The following QTRT2 variants were observed in gnomAD, a reference collection of about 807,000 sequenced individuals.
QTRT2 encodes the protein queuine tRNA-ribosyltransferase accessory subunit 2.
Under a neutral mutation model 44.8 loss-of-function variants are expected in QTRT2, and 32 were observed. The ratio of observed to expected loss-of-function variants is 0.71; its 90% CI spans 0.54 to 0.96. The LOEUF (loss-of-function observed/expected upper bound fraction) is 0.96. Among genes scored for constraint, QTRT2 ranks in the 40% least tolerant of loss-of-function variants. QTRT2 has a pLI of 0.00. For missense variants in QTRT2, 461 were observed against 503.1 expected, an observed-to-expected ratio of 0.92 and a Z score of 0.80; for synonymous variants, 182 against 187.4, an observed-to-expected ratio of 0.97 and a Z score of 0.24.
intron 2 of QTRT2, among the ~76,000 whole-genome samples, chr3:114,060,575 A>T (rs2076872813): frequency 6.6e-6 from 1 of 152,200 alleles, no homozygotes; most frequent in Non-Finnish European, 1.5e-5. Context: ...GATTAGATAG[A>T]TCCAAACCCT....
intron 7 of QTRT2, chr3:114,079,261 G>T (rs2077132168): frequency 6.6e-6 from 1 of 152,276 alleles, no homozygotes; most frequent in African/African-American, 2.4e-5. Flanking sequence ...TATACTATGG[G>T]CTGGGCGTGG....
intron 6 of QTRT2, among the ~76,000 whole-genome samples, chr3:114,075,567 G>A (rs1242033684): frequency 6.9e-6 from 1 of 145,402 alleles, no homozygotes; most frequent in Admixed American, 7.0e-5. Context: ...GGAGTGCAGT[G>A]GCGCAATCTC....
chr3:114,079,821 T>C lies in QTRT2; in HGVS notation c.747-85T>C, dbSNP rs1385759434. 6.2e-6 allele frequency: 8 copies of C among 1,300,512 alleles called. No homozygotes were observed. In the African/African-American group the frequency reaches 1.0e-4, roughly 17 times the overall value. The allele number at this position is 1,300,512 out of a possible 1,614,324, so 80.6% of individuals were successfully genotyped here. A position where few individuals can be genotyped will look rare whatever the true frequency, so the allele number is the denominator to read the frequency against. On this transcript the variant is annotated intron_variant, in intron 7 of 9. Coordinates refer to ENST00000281273, the MANE Select transcript of QTRT2 (RefSeq NM_024638.4). ...TGGTGTTTTTCATTATTACTATTTT[T>C]TTAGTGCCTTGTTCATTAAAAGGAC... is the stretch of plus-strand genomic sequence containing the variant.
rs1297334241 is a variant in QTRT2, at chr3:114,056,792, G to T, written c.-202G>T. 4 of 1,524,642 alleles carry T rather than the reference G, an allele frequency of 2.6e-6. No individual in the cohort carries two copies. The highest frequency in any genetic ancestry group is 3.5e-6 in the Non-Finnish European group (4 of 1,140,188). 94.4% of individuals were successfully genotyped at this position (1,524,642 alleles called of 1,614,324 possible). A position where few individuals can be genotyped will look rare whatever the true frequency, so the allele number is the denominator to read the frequency against. On this transcript the variant is annotated 5_prime_UTR_variant, in exon 1 of 10. Transcript: ENST00000281273. Reference sequence around the variant, plus strand: ...CAGTGATTTTGGGGCAGAGAATTTTGCAACACGTGGTAGTGAACTGTGAGG... The same window carrying T: ...CAGTGATTTTGGGGCAGAGAATTTTTCAACACGTGGTAGTGAACTGTGAGG...
intron 6 of QTRT2, among the ~76,000 whole-genome samples, chr3:114,073,508 T>C (rs1256962102): frequency 6.6e-6 from 1 of 152,154 alleles, no homozygotes; most frequent in African/African-American, 2.4e-5. Context: ...GCTTCCTCAG[T>C]AGCTAAGACT....
chr3:114,060,535 GATAGATAGATAA>G (rs1488454867), intron 2 of QTRT2, among the ~76,000 whole-genome samples: 1 of 143,844 alleles, frequency 7.0e-6, no homozygotes, highest in Non-Finnish European at 1.5e-5. Context: ...TAGATAGATA[GATAGATAGATAA>G]GATAGATTAG....
Position 114,085,914 on chromosome 3 carries a change from A to T in QTRT2, c.*10A>T. 1 of 1,594,182 alleles carries T rather than the reference A, an allele frequency of 6.3e-7. No homozygotes were observed. Among genetic ancestry groups the T allele is most frequent in the South Asian group, 1.1e-5 (1 of 90,606 alleles). ...CAGGCAAGCATCTTGAGATCTTGCA[A>T]ATACAAGTCTCACTCTTCACACTGA... is the stretch of plus-strand genomic sequence containing the variant. On this transcript the variant is annotated 3_prime_UTR_variant, in exon 10 of 10. Coordinates refer to ENST00000281273, the MANE Select transcript of QTRT2 (RefSeq NM_024638.4).
In QTRT2 at chr3:114,086,616, A is replaced by G. The variant is rs1283129509; in HGVS notation, c.*712A>G. The G allele has an allele frequency of 1.3e-5, 2 of 153,384 alleles. No individual in the cohort carries two copies. Among genetic ancestry groups the G allele is most frequent in the Non-Finnish European group, 2.9e-5 (2 of 68,876 alleles). 9.5% of individuals were successfully genotyped at this position (153,384 alleles called of 1,614,324 possible). On this transcript the variant is annotated 3_prime_UTR_variant, in exon 10 of 10. Coordinates refer to ENST00000281273, the MANE Select transcript of QTRT2 (RefSeq NM_024638.4). ...TGCCCAGCTGCTTTCTTCTGGTTGT[A>G]CAGATCCATTGTGGTCTGCCTTCCA...
At chr3:114,082,958 T>G in intron 9 of QTRT2, 164 bp downstream of exon 9, 1 of 608,794 alleles carries the variant, frequency 1.6e-6, no homozygotes, top group East Asian at 3.1e-5. Context: ...CTTTATTTTC[T>G]TCAGATGAAT....
intron 9 of QTRT2, among the ~76,000 whole-genome samples, chr3:114,085,241 T>C (rs1390729272): frequency 4.6e-5 from 7 of 152,056 alleles, no homozygotes; most frequent in Admixed American, 3.9e-4. Context: ...GGAGTCTCGC[T>C]CTGTTGCCCA....
chr3:114,082,750 C>A lies in QTRT2; in HGVS notation c.972C>A (p.Cys324Ter). 6.6e-7 allele frequency: 1 copy of A among 1,517,908 alleles called. No homozygotes were observed. Among genetic ancestry groups the A allele is most frequent in the Non-Finnish European group, 9.0e-7 (1 of 1,110,692 alleles). 94.0% of individuals were successfully genotyped at this position (1,517,908 alleles called of 1,614,324 possible). ...DQIKKIETTG[C>*]NQEITSFEIN... ...TAAAGAAAATTGAAACAACTGGTTG[C>A]AACCAAGAAATAACATCATTTGAAA... The change falls in exon 9 of 10, where the codon TGC becomes TGA. Residue 324 changes from cysteine to a stop codon, truncating the protein, a stop_gained. Coordinates refer to ENST00000281273, the MANE Select transcript of QTRT2 (RefSeq NM_024638.4). LOFTEE classifies it high-confidence loss of function.
chr3:114,083,896 G>T (rs973030840), intron 9 of QTRT2, among the ~76,000 whole-genome samples: 16 of 151,844 alleles, frequency 1.1e-4, no homozygotes, highest in African/African-American at 3.9e-4. Flanking sequence ...TAAAATTTTA[G>T]GGTAATATAA....
At chr3:114,073,849 G>A (rs141478168) in intron 6 of QTRT2, among the ~76,000 whole-genome samples, 9 of 152,238 alleles carry the variant, frequency 5.9e-5, no homozygotes, top group Non-Finnish European at 8.8e-5. Context: ...CATGCTAGTC[G>A]TATAAGCAGG....
intron 6 of QTRT2, among the ~76,000 whole-genome samples, chr3:114,071,540 C>A (rs2077024322): frequency 6.6e-6 from 1 of 152,158 alleles, no homozygotes; most frequent in African/African-American, 2.4e-5. Flanking sequence ...CTTAGATGAT[C>A]TGCCCGCCTC....
intron 4 of QTRT2, 116 bp from the exon 5 acceptor site, chr3:114,067,871 G>A: frequency 1.3e-6 from 1 of 770,550 alleles, no homozygotes; most frequent in Non-Finnish European, 2.3e-6. Flanking sequence ...ACAACCTATT[G>A]ACAGTGTTTA....
chr3:114,060,112 TGGGAAGGGGAGATGAGA>T (rs2076862015), intron 2 of QTRT2, among the ~76,000 whole-genome samples: 3 of 151,146 alleles, frequency 2.0e-5, no homozygotes, highest in South Asian at 4.2e-4. Context: ...GAGGAAAGAG[TGGGAAGGGGAGATGAGA>T]GGGAAGGGGA....
In QTRT2 at chr3:114,087,164, C is replaced by G. The variant is rs953996560; in HGVS notation, c.*1260C>G. 2 of 152,066 alleles carry G rather than the reference C, an allele frequency of 1.3e-5. No homozygotes were observed. The highest frequency in any genetic ancestry group is 4.1e-4 in the South Asian group (2 of 4,822). The allele number at this position is 152,066 out of a possible 1,614,324, so 9.4% of individuals were successfully genotyped here. On this transcript the variant is annotated 3_prime_UTR_variant, in exon 10 of 10. Transcript: ENST00000281273. ...TTTATACAAACAGCAATAACAAAACCAAAAAGATGCCCCTTTTTTTGTAGG... is the reference window on the plus strand; with the variant it reads ...TTTATACAAACAGCAATAACAAAACGAAAAAGATGCCCCTTTTTTTGTAGG...
chr3:114,077,034 A>T, intron 7 of QTRT2, 92 bp downstream of exon 7: 1 of 1,192,648 alleles, frequency 8.4e-7, no homozygotes, highest in Non-Finnish European at 1.2e-6. Context: ...GTGCATAGGC[A>T]TGCCTTTGAT....
chr3:114,072,209 C>T (rs1371388062), intron 6 of QTRT2, among the ~76,000 whole-genome samples: 1 of 152,006 alleles, frequency 6.6e-6, no homozygotes, highest in Non-Finnish European at 1.5e-5. Flanking sequence ...GGCTAGAGTG[C>T]AGTGGGGCAG....
Sources: allele counts gnomAD v4.1 joint callset (sites outside exome capture counted in the v4.1 genomes callset), GRCh38; gene constraint gnomAD v4.1.1; transcripts MANE v1.5; gene names NCBI Gene and HGNC (gene_info 2026-07-23, HGNC 2026-07-21).